Variants in FRYL observed in about 807,000 individuals in gnomAD.
FRYL encodes the protein protein furry homolog-like.
A neutral mutation model predicts 351.2 loss-of-function variants in FRYL; 150 were observed. The ratio of observed to expected loss-of-function variants is 0.43; its 90% confidence interval spans 0.37 to 0.49. The LOEUF (loss-of-function observed/expected upper bound fraction) is 0.49. FRYL is among the 20% of genes least tolerant of loss of function. FRYL has a pLI of 0.00. For missense variants in FRYL, 3,036 were observed against 3,619.3 expected (o/e 0.84, Z 4.13); for synonymous variants, 1,153 against 1,257.1 (o/e 0.92, Z 1.75).
chr4:48,751,489 CG>C (rs949174311), intron 1 of FRYL, among the ~76,000 whole-genome samples: 1 of 152,086 alleles, frequency 6.6e-6, no homozygotes, highest in African/African-American at 2.4e-5. Flanking sequence ...GACATCATTT[CG>C]GGGAGTCCTT....
At chr4:48,765,811 C>A (rs1468556361) in intron 1 of FRYL, among the ~76,000 whole-genome samples, 1 of 151,804 alleles carries the variant, frequency 6.6e-6, no homozygotes, top group African/African-American at 2.4e-5. Context: ...GTAAAAAAGC[C>A]CAATTTAAAA....
At chr4:48,524,434 G>C (rs1356020385) in intron 53 of FRYL, among the ~76,000 whole-genome samples, 1 of 152,096 alleles carries the variant, frequency 6.6e-6, no homozygotes, top group Non-Finnish European at 1.5e-5. Context: ...ACACATAATG[G>C]CAACAGCACT....
chr4:48,584,387 G>A lies in FRYL; in HGVS notation c.1749-1653C>T, dbSNP rs115126884. On this transcript the variant is annotated intron_variant, in intron 19 of 63. Transcript: ENST00000358350. ...TGCTGAACTCAGTTCTAGTCATCAC[G>A]AAGCCAACTTTCAACTGACAATGAG... 4.3e-3 allele frequency among the ~76,000 whole-genome samples: 661 copies of A among 152,292 alleles called. 7 individuals carry two copies. The highest frequency in any genetic ancestry group is 0.014 in the African/African-American group (590 of 41,564).
intron 3 of FRYL, among the ~76,000 whole-genome samples, chr4:48,649,979 T>A (rs187084969): frequency 4.2e-4 from 64 of 152,312 alleles, no homozygotes; most frequent in African/African-American, 1.4e-3. Flanking sequence ...TTTTTTTCTT[T>A]TTCTTTTTTC....
chr4:48,631,611 G>A (rs1752972761), intron 4 of FRYL, among the ~76,000 whole-genome samples: 1 of 151,986 alleles, frequency 6.6e-6, no homozygotes, highest in Non-Finnish European at 1.5e-5. Context: ...TCCTGGTATC[G>A]AGTAACTCAC....
intron 3 of FRYL, among the ~76,000 whole-genome samples, chr4:48,669,814 C>G (rs534443288): frequency 1.8e-4 from 27 of 151,758 alleles, no homozygotes; most frequent in Non-Finnish European, 2.8e-4. Context: ...AGATCCTGAC[C>G]CTAAATTTAA....
chr4:48,531,287 C>T lies in FRYL; in HGVS notation c.6772G>A (p.Val2258Ile), dbSNP rs375746522. 1.5e-4 allele frequency: 235 copies of T among 1,613,340 alleles called. No individual in the cohort carries two copies. Among genetic ancestry groups the T allele is most frequent in the Non-Finnish European group, 1.9e-4 (226 of 1,179,510 alleles). Reference sequence around the variant, plus strand: ...TAGGTCTTGGGGATATCACTGGGTACGACAAGACTCGCAGAGCGTGACACC... The same window carrying T: ...TAGGTCTTGGGGATATCACTGGGTATGACAAGACTCGCAGAGCGTGACACC... ...LVVSRSASLV[V>I]PSDIPKTYGG... Residue 2258 changes from valine (V) to isoleucine (I), a missense_variant, in exon 50 of 64, where the codon GTA becomes ATA. Val to Ile is a conservative substitution (Grantham distance 29). Coordinates refer to ENST00000358350, the MANE Select transcript of FRYL (RefSeq NM_015030.2).
chr4:48,681,902 A>G (rs1764665577), intron 3 of FRYL, among the ~76,000 whole-genome samples: 1 of 152,210 alleles, frequency 6.6e-6, no homozygotes, highest in South Asian at 2.1e-4. Flanking sequence ...TGGAAATAGC[A>G]AAAGTAGCCA....
In FRYL at chr4:48,547,781, A is replaced by T. The variant is rs781710619; in HGVS notation, c.4889-12T>A. 1.4e-6 allele frequency: 2 copies of T among 1,429,682 alleles called. No individual in the cohort carries two copies. Among genetic ancestry groups the T allele is most frequent in the South Asian group, 3.4e-5 (2 of 58,510 alleles). 88.6% of individuals were successfully genotyped at this position (1,429,682 alleles called of 1,614,324 possible). A position where few individuals can be genotyped will look rare whatever the true frequency, so the allele number is the denominator to read the frequency against. ...GCAGTGGTCAAACCCTAAAAAGGAT[A>T]GTAGAGAAACATTATCAATAAAGAG... On this transcript the variant is annotated splice_polypyrimidine_tract_variant and intron_variant, in intron 40 of 63. Transcript: ENST00000358350.
At chr4:48,553,614 C>T (rs952390457) in intron 35 of FRYL, among the ~76,000 whole-genome samples, 10 of 149,616 alleles carry the variant, frequency 6.7e-5, no homozygotes, top group African/African-American at 1.7e-4. Flanking sequence ...GTATGTTTAG[C>T]GGTTTAGTGG....
At chr4:48,666,739 A>T (rs1761773907) in intron 3 of FRYL, among the ~76,000 whole-genome samples, 1 of 152,138 alleles carries the variant, frequency 6.6e-6, no homozygotes, top group Non-Finnish European at 1.5e-5. Flanking sequence ...ATTACAATGA[A>T]CGTTTCATAG....
chr4:48,697,307 A>T lies in FRYL; in HGVS notation c.-203-12512T>A, dbSNP rs564922083. On this transcript the variant is annotated intron_variant, in intron 2 of 63. Coordinates refer to ENST00000358350, the MANE Select transcript of FRYL (RefSeq NM_015030.2). ...GTTTTGACTTATTTGGAAAAAATCT[A>T]GAATTTTACCAAAATTAATATAATT... 2.0e-5 allele frequency among the ~76,000 whole-genome samples: 3 copies of T among 152,282 alleles called. No homozygotes were observed. The East Asian group carries it at 5.8e-4, about 29-fold the overall frequency.
intron 4 of FRYL, among the ~76,000 whole-genome samples, chr4:48,628,196 G>A (rs1333752654): frequency 6.6e-6 from 1 of 152,202 alleles, no homozygotes; most frequent in African/African-American, 2.4e-5. Flanking sequence ...GCAAAGATGT[G>A]TGTACAGCAA....
intron 1 of FRYL, among the ~76,000 whole-genome samples, chr4:48,763,240 T>C (rs771814759): frequency 9.9e-5 from 15 of 152,082 alleles, no homozygotes; most frequent in African/African-American, 3.4e-4. Flanking sequence ...GGCAGGAGGA[T>C]TGCTTGAGGC....
rs776699333 is a variant in FRYL, at chr4:48,589,843, T to C, written c.1542A>G (p.Ala514=). Residue 514 remains alanine (A), a synonymous_variant, in exon 18 of 64, where the codon GCA becomes GCG. Coordinates refer to ENST00000358350, the MANE Select transcript of FRYL (RefSeq NM_015030.2). ...CCAAATGTCTGAGGATGCTATCTAA[T>C]GCTTTTCTTACTTGAGGATAGTAAA... ...MSVYYPQVRK[A]LDSILRHLDK... 11 of 1,613,560 alleles carry C rather than the reference T, an allele frequency of 6.8e-6. No individual in the cohort carries two copies. In the South Asian group the frequency reaches 7.7e-5, roughly 11 times the overall value.
chr4:48,521,423 C>G (rs1724871728), intron 54 of FRYL, among the ~76,000 whole-genome samples: 1 of 152,170 alleles, frequency 6.6e-6, no homozygotes, highest in Non-Finnish European at 1.5e-5. Context: ...CACATTAATA[C>G]AGGCTAAATT....
chr4:48,582,210 A>C (rs570689984), intron 20 of FRYL, among the ~76,000 whole-genome samples: 24 of 152,348 alleles, frequency 1.6e-4, no homozygotes, highest in Admixed American at 1.4e-3. Context: ...AATTTATTGT[A>C]CTGGCTTTAA....
intron 1 of FRYL, among the ~76,000 whole-genome samples, chr4:48,724,581 G>C (rs922201078): frequency 6.6e-6 from 1 of 152,164 alleles, no homozygotes; most frequent in Admixed American, 6.5e-5. Context: ...TGGGTGCGGG[G>C]GGGCTGTCTT....
rs940876335 is a variant in FRYL at position 48,769,307 on chromosome 4, A to G, written c.-384+10771T>C. Among the ~76,000 whole-genome samples the G allele has an allele frequency of 2.6e-5, 4 of 152,342 alleles. 1 individual carries two copies. The highest frequency in any genetic ancestry group is 1.3e-4 in the Admixed American group (2 of 15,302). On this transcript the variant is annotated intron_variant, in intron 1 of 63. Coordinates refer to ENST00000358350, the MANE Select transcript of FRYL (RefSeq NM_015030.2). Reference sequence around the variant, plus strand: ...TAAAGAATCCTCAAAACTCTACAATAAAAAACAATCCCATTTGCCCCTTAG... The same window carrying G: ...TAAAGAATCCTCAAAACTCTACAATGAAAAACAATCCCATTTGCCCCTTAG...
Sources: gnomAD v4.1 joint callset for allele counts (sites outside exome capture counted in the v4.1 genomes callset) on GRCh38, gnomAD v4.1.1 for gene constraint, MANE v1.5 for transcripts, NCBI Gene and HGNC (gene_info 2026-07-23, HGNC 2026-07-21) for gene names.